AKAP13: variants seen among roughly 807,000 people sequenced by gnomAD.
The protein encoded by AKAP13 is A-kinase anchor protein 13.
A neutral mutation model predicts 264.5 loss-of-function variants in AKAP13; 80 were observed. The ratio of observed to expected loss-of-function variants is 0.30; its 90% CI spans 0.25 to 0.36. AKAP13 has a LOEUF of 0.36. Among genes scored for constraint, AKAP13 ranks in the 10% least tolerant of loss-of-function variants. The pLI is 1.00. For synonymous variants in AKAP13, 1,380 were observed against 1,250.2 expected (o/e 1.10, Z -2.19); for missense variants, 3,712 against 3,435.2 (o/e 1.08, Z -2.01).
At chr15:85,511,168 T>C (rs1234025826) in intron 2 of AKAP13, among the ~76,000 whole-genome samples, 1 of 152,258 alleles carries the variant, frequency 6.6e-6, no homozygotes, top group African/African-American at 2.4e-5. Flanking sequence ...TTTATATCCT[T>C]GCCTCTTTTG....
intron 23 of AKAP13, among the ~76,000 whole-genome samples, chr15:85,721,204 G>A (rs1235722713): frequency 1.3e-5 from 2 of 152,142 alleles, no homozygotes; most frequent in African/African-American, 2.4e-5. Context: ...CCGTTTGCTC[G>A]TTCTGTGTGC....
intron 8 of AKAP13, among the ~76,000 whole-genome samples, chr15:85,595,086 A>AG (rs2079754196): frequency 6.6e-6 from 1 of 151,946 alleles, no homozygotes; most frequent in South Asian, 2.1e-4. Flanking sequence ...TCAAATTTGG[A>AG]GGGTTTTTTT....
chr15:85,664,844 A>G (rs2083504402), intron 13 of AKAP13, 89 bp downstream of exon 13: 8 of 1,230,042 alleles, frequency 6.5e-6, no homozygotes, highest in Non-Finnish European at 9.0e-6. Flanking sequence ...TAAGGCTAGT[A>G]GCTATGATTA....
intron 17 of AKAP13, among the ~76,000 whole-genome samples, chr15:85,695,652 AT>A (rs908687023): frequency 6.6e-5 from 10 of 152,092 alleles, no homozygotes; most frequent in Admixed American, 2.6e-4. Flanking sequence ...TTACTGTCCT[AT>A]TTTTTCAAAA....
chr15:85,581,559 G>A lies in AKAP13; in HGVS notation c.3491G>A (p.Gly1164Glu), dbSNP rs2079142531. 6.2e-7 allele frequency: 1 copy of A among 1,614,164 alleles called. No homozygotes were observed. The highest frequency in any genetic ancestry group is 1.1e-5 in the South Asian group (1 of 91,084). The part of the protein sequence containing the change: ...PLDWEKGKLE[G>E]ADHSCTMGDA... The stretch of plus-strand genomic sequence containing the variant: ...GATTGGGAGAAAGGGAAGCTGGAGG[G>A]AGCAGACCACAGCTGTACCATGGGT... The change falls in exon 7 of 37, where the codon GGA becomes GAA. Residue 1164 changes from glycine (G) to glutamate (E), a missense_variant. By Grantham distance (98) the Gly-to-Glu change is moderately conservative. Around this residue, in one of 3 missense-constraint regions of AKAP13, gnomAD observed 2,759 missense variants for 2,411.7 expected, o/e 1.14. Transcript: ENST00000394518.
intron 5 of AKAP13, among the ~76,000 whole-genome samples, chr15:85,572,766 C>T (rs1206149071): frequency 1.3e-5 from 2 of 152,136 alleles, no homozygotes; most frequent in Non-Finnish European, 2.9e-5. Context: ...GTTTGCTGCA[C>T]CCATCAACCC....
At chr15:85,636,274 A>G (rs1311786051) in intron 8 of AKAP13, among the ~76,000 whole-genome samples, 1 of 152,142 alleles carries the variant, frequency 6.6e-6, no homozygotes. Flanking sequence ...TTAATACATT[A>G]TTTATTCCAG....
chr15:85,640,154 G>C (rs184370510), intron 9 of AKAP13, among the ~76,000 whole-genome samples: 1 of 152,110 alleles, frequency 6.6e-6, no homozygotes, highest in Non-Finnish European at 1.5e-5. Flanking sequence ...TGTGTGCTCC[G>C]TTGTCTCCCT....
rs568675848 is a variant in AKAP13, at chr15:85,477,557, CTT to C, written c.-11-8149_-11-8148del. Among the ~76,000 whole-genome samples the C allele has an allele frequency of 1.3e-4, 19 of 143,294 alleles. 1 individual carries two copies. In the East Asian group the frequency reaches 3.8e-3, roughly 29 times the overall value. The allele number at this position is 143,294 out of a possible 152,430, so 94.0% of individuals were successfully genotyped here. A position where few individuals can be genotyped will look rare whatever the true frequency, so the allele number is the denominator to read the frequency against. On this transcript the variant is annotated intron_variant, in intron 1 of 36. Transcript: ENST00000394518. ...TGAGTTTACGCTACACAATTACAAA[CTT>C]TTTCCAGTGCTGCTTTTTGTGAATC... is the stretch of plus-strand genomic sequence containing the variant.
At chr15:85,652,332 T>C (rs1052223860) in intron 10 of AKAP13, among the ~76,000 whole-genome samples, 1 of 152,168 alleles carries the variant, frequency 6.6e-6, no homozygotes, top group African/African-American at 2.4e-5. Flanking sequence ...CCTTCCAAGA[T>C]TGGATGCCAG....
At chr15:85,471,561 T>G (rs2074961392) in intron 1 of AKAP13, among the ~76,000 whole-genome samples, 1 of 152,170 alleles carries the variant, frequency 6.6e-6, no homozygotes, top group African/African-American at 2.4e-5. Context: ...ACAATAAAAT[T>G]CACCCATTTT....
At chr15:85,384,574 C>T (rs950486354) in intron 1 of AKAP13, among the ~76,000 whole-genome samples, 18 of 151,894 alleles carry the variant, frequency 1.2e-4, no homozygotes, top group African/African-American at 3.6e-4. Context: ...AAAACTAGCC[C>T]GGCAGGGTGG....
intron 1 of AKAP13, among the ~76,000 whole-genome samples, chr15:85,467,193 A>G (rs993555709): frequency 2.0e-5 from 3 of 152,178 alleles, no homozygotes; most frequent in Admixed American, 1.3e-4. Flanking sequence ...ACACTATAGT[A>G]TATTTTACAA....
chr15:85,410,377 T>C (rs1477949128), intron 1 of AKAP13, among the ~76,000 whole-genome samples: 1 of 151,524 alleles, frequency 6.6e-6, no homozygotes, highest in East Asian at 1.9e-4. Flanking sequence ...TCAAAATAGG[T>C]CTTCTGCTTC....
intron 20 of AKAP13, among the ~76,000 whole-genome samples, chr15:85,716,204 T>G (rs908018750): frequency 1.3e-5 from 2 of 152,134 alleles, no homozygotes; most frequent in African/African-American, 4.8e-5. Flanking sequence ...AAAAAGATGA[T>G]TTTTTAGATC....
In AKAP13 at chr15:85,580,354, A is replaced by G; in HGVS notation, c.2286A>G (p.Pro762=). ...ATATGCTTGAGGTGGTTTCACATCC[A>G]CATCCAGTTGTCCCTAAAATGGAGA... ...LTNMLEVVSH[P]HPVVPKMEKE... is the part of the protein sequence containing the mutation. Residue 762 remains proline (P), a synonymous_variant, in exon 7 of 37, where the codon CCA becomes CCG. Coordinates refer to ENST00000394518, the MANE Select transcript of AKAP13 (RefSeq NM_007200.5). The G allele has an allele frequency of 6.2e-7, 1 of 1,614,264 alleles. No individual in the cohort carries two copies. The highest frequency in any genetic ancestry group is 1.1e-5 in the South Asian group (1 of 91,078).
At chr15:85,442,540 TTA>T (rs890168185) in intron 1 of AKAP13, among the ~76,000 whole-genome samples, 72 of 130,908 alleles carry the variant, frequency 5.5e-4, no homozygotes, top group African/African-American at 1.8e-3. Flanking sequence ...ATAATATATA[TTA>T]TATATATATT....
intron 1 of AKAP13, among the ~76,000 whole-genome samples, chr15:85,385,534 A>G (rs980275414): frequency 1.2e-4 from 19 of 152,228 alleles, no homozygotes; most frequent in Middle Eastern, 3.4e-3. Flanking sequence ...TTTGTACTCA[A>G]CCGGTTCTCT....
chr15:85,739,648 G>T (rs1244937391), intron 33 of AKAP13, among the ~76,000 whole-genome samples: 1 of 152,018 alleles, frequency 6.6e-6, no homozygotes, highest in Non-Finnish European at 1.5e-5. Context: ...TTCAAGATTA[G>T]AAAACAGTTC....
Sources: gnomAD v4.1 joint callset for allele counts (sites outside exome capture counted in the v4.1 genomes callset) on GRCh38, gnomAD v4.1.1 for gene constraint, gnomAD v4.1.1 regional missense constraint, MANE v1.5 for transcripts, NCBI Gene and HGNC (gene_info 2026-07-23, HGNC 2026-07-21) for gene names.